The following RARB variants were observed in gnomAD, a reference collection of about 807,000 sequenced individuals.
RARB encodes retinoic acid receptor beta.
Under a neutral mutation model 51.9 loss-of-function variants are expected in RARB, and 17 were observed. The ratio of observed to expected loss-of-function variants is 0.33; its 90% confidence interval spans 0.22 to 0.49. The LOEUF (loss-of-function observed/expected upper bound fraction) is 0.49, where lower values mean the gene tolerates loss of function less well. Ranked by LOEUF, RARB falls within the 20% of genes least tolerant of loss-of-function variation. RARB has a pLI of 0.99. For missense variants in RARB, 369 were observed against 550.8 expected (o/e 0.67, Z 3.30); for synonymous variants, 215 against 195.4 (o/e 1.10, Z -0.84).
intron 5 of RARB, among the ~76,000 whole-genome samples, chr3:25,290,026 C>T (rs1216000723): frequency 6.6e-6 from 1 of 152,128 alleles, no homozygotes; most frequent in African/African-American, 2.4e-5. Flanking sequence ...AAATCCCCCT[C>T]TCAGTCCTTG....
intron 3 of RARB, among the ~76,000 whole-genome samples, chr3:25,542,981 G>C (rs2125657326): frequency 6.6e-6 from 1 of 152,288 alleles, no homozygotes; most frequent in South Asian, 2.1e-4. Flanking sequence ...ACAAATTCAA[G>C]ATTATAACAT....
At chr3:25,405,719 C>T (rs1161064541) in intron 5 of RARB, among the ~76,000 whole-genome samples, 1 of 152,202 alleles carries the variant, frequency 6.6e-6, no homozygotes, top group African/African-American at 2.4e-5. Context: ...TCAGTAGCTG[C>T]ATGTGGCTAA....
chr3:24,953,111 G>A (rs150563960), intron 2 of RARB, among the ~76,000 whole-genome samples: 1 of 152,202 alleles, frequency 6.6e-6, no homozygotes, highest in Non-Finnish European at 1.5e-5. Flanking sequence ...CTGGGGTTTG[G>A]GGGCATATAG....
At chr3:25,026,752 T>C (rs1575124953) in intron 2 of RARB, among the ~76,000 whole-genome samples, 2 of 152,340 alleles carry the variant, frequency 1.3e-5, no homozygotes, top group South Asian at 4.1e-4. Context: ...ATACTATTTG[T>C]AGCATTTGCC....
Position 25,464,689 on chromosome 3 carries a change from T to TA in RARB, c.306+3355dup, listed in dbSNP as rs1203239836. On this transcript the variant is annotated intron_variant, in intron 2 of 7. Transcript: ENST00000330688. ...AATTAAATATAATTTTATTGTCATT[T>TA]AAAAAAATTATCAATACAGTATAGA... Among the ~76,000 whole-genome samples the TA allele has an allele frequency of 2.0e-5, 3 of 152,092 alleles. No individual in the cohort carries two copies. The East Asian group carries it at 5.8e-4, about 29-fold the overall frequency.
intron 5 of RARB, among the ~76,000 whole-genome samples, chr3:25,230,572 T>C (rs1702153311): frequency 6.6e-6 from 1 of 152,152 alleles, no homozygotes; most frequent in African/African-American, 2.4e-5. Context: ...ATTATCATTA[T>C]AATTAATATT....
At chr3:25,461,605 A>C (rs1425027122) in intron 2 of RARB, among the ~76,000 whole-genome samples, 3 of 152,172 alleles carry the variant, frequency 2.0e-5, no homozygotes, top group African/African-American at 7.2e-5. Flanking sequence ...GATAATAAGA[A>C]CTGGCTAGGC....
chr3:24,993,052 A>G (rs987926847), intron 2 of RARB, among the ~76,000 whole-genome samples: 3 of 152,262 alleles, frequency 2.0e-5, no homozygotes, highest in Non-Finnish European at 4.4e-5. Flanking sequence ...AGAAATCTAT[A>G]TACAATAAAA....
At chr3:24,978,447 A>C (rs1321734546) in intron 2 of RARB, among the ~76,000 whole-genome samples, 1 of 152,146 alleles carries the variant, frequency 6.6e-6, no homozygotes, top group Non-Finnish European at 1.5e-5. Flanking sequence ...TTATTGGCCT[A>C]TTCACAGATT....
At chr3:25,480,785 C>G (rs531672417) in intron 2 of RARB, among the ~76,000 whole-genome samples, 3 of 152,150 alleles carry the variant, frequency 2.0e-5, no homozygotes, top group East Asian at 3.9e-4. Flanking sequence ...TGATTTGTTA[C>G]AGTAGAGGGT....
In RARB at chr3:24,920,671, C is replaced by T. The variant is rs774320617; in HGVS notation, c.-380+61919C>T. ...GACTCTCAATTTTGTTTTTCATCTC[C>T]TACACTGTGTTGAGTTCCATTTCTG... On this transcript the variant is annotated intron_variant, in intron 2 of 11. Transcript: ENST00000383772. Among the ~76,000 whole-genome samples the T allele has an allele frequency of 1.1e-3, 175 of 152,266 alleles. 2 individuals are homozygous for T. The highest frequency in any genetic ancestry group is 2.6e-4 in the Non-Finnish European group (18 of 68,024).
chr3:25,290,772 C>T (rs1225263764), intron 5 of RARB, among the ~76,000 whole-genome samples: 3 of 152,198 alleles, frequency 2.0e-5, no homozygotes, highest in Non-Finnish European at 2.9e-5. Context: ...GGGCCATTGA[C>T]AGTGAGGGAT....
intron 5 of RARB, among the ~76,000 whole-genome samples, chr3:25,199,907 T>C (rs1701347680): frequency 6.6e-6 from 1 of 152,098 alleles, no homozygotes; most frequent in Admixed American, 6.5e-5. Context: ...AATAAACATA[T>C]GTGTGCATGT....
chr3:25,596,770 T>TAC lies in RARB; in HGVS notation c.*155_*156dup. 1 of 551,290 alleles carries TAC rather than the reference T, an allele frequency of 1.8e-6. No homozygotes were observed. Among genetic ancestry groups the TAC allele is most frequent in the South Asian group, 5.2e-5 (1 of 19,070 alleles). The allele number at this position is 551,290 out of a possible 1,614,324, so 34.1% of individuals were successfully genotyped here. ...AAGTTTTCATATGTATCAATATATA[T>TAC]ACTCCTCACTGTGTAACTTACCTAG... On this transcript the variant is annotated 3_prime_UTR_variant, in exon 8 of 8. Transcript: ENST00000330688.
At chr3:25,012,664 G>A (rs1245513126) in intron 2 of RARB, among the ~76,000 whole-genome samples, 2 of 152,112 alleles carry the variant, frequency 1.3e-5, no homozygotes, top group Non-Finnish European at 2.9e-5. Context: ...TGTTGTTTGA[G>A]GTGATTTACA....
intron 2 of RARB, among the ~76,000 whole-genome samples, chr3:24,986,436 G>C (rs551919154): frequency 6.6e-6 from 1 of 152,176 alleles, no homozygotes; most frequent in East Asian, 1.9e-4. Flanking sequence ...AGTTCCACTT[G>C]TATGGTAAAT....
At position 25,035,303 on chromosome 3, in the gene RARB, A is replaced by G. The variant is rs1697965908; in HGVS notation, c.-379-24822A>G. Reference sequence around the variant, plus strand: ...ACCCTGGATAATTTTTGTATTTTCTATAGAGACAGGGTTTCGCCATGTTGC... The same window carrying G: ...ACCCTGGATAATTTTTGTATTTTCTGTAGAGACAGGGTTTCGCCATGTTGC... On this transcript the variant is annotated intron_variant, in intron 2 of 11. Transcript: ENST00000383772. Among the ~76,000 whole-genome samples the G allele has an allele frequency of 2.0e-5, 3 of 151,762 alleles. No individual in the cohort carries two copies. The South Asian group carries it at 6.2e-4, about 31-fold the overall frequency.
chr3:25,407,605 C>T (rs942640025), intron 5 of RARB, among the ~76,000 whole-genome samples: 3 of 152,124 alleles, frequency 2.0e-5, no homozygotes, highest in African/African-American at 7.2e-5. Flanking sequence ...GAAAATCTAC[C>T]TCGTTTTATA....
chr3:25,317,857 A>G (rs532361348), intron 5 of RARB, among the ~76,000 whole-genome samples: 3 of 152,318 alleles, frequency 2.0e-5, no homozygotes, highest in East Asian at 3.9e-4. Flanking sequence ...CCTCTTTTAC[A>G]CTATGAATCA....
Sources: allele counts gnomAD v4.1 joint callset (sites outside exome capture counted in the v4.1 genomes callset), GRCh38; gene constraint gnomAD v4.1.1; transcripts MANE v1.5; gene names NCBI Gene and HGNC (gene_info 2026-07-23, HGNC 2026-07-21).